Variants in USP7 observed in about 807,000 individuals in gnomAD.
USP7 encodes the protein ubiquitin specific peptidase 7.
Under a neutral mutation model 162.9 loss-of-function variants are expected in USP7, and 9 were observed. That is an observed-to-expected ratio of 0.06 (90% confidence interval 0.03 to 0.10). USP7 has a LOEUF of 0.10. USP7 is among the 10% of genes least tolerant of loss of function. The pLI, the probability that USP7 is intolerant of heterozygous loss-of-function variation, is 1.00. For synonymous variants in USP7, 562 were observed against 475.9 expected, an observed-to-expected ratio of 1.18 and a Z score of -2.35; for missense variants, 715 against 1,373.7, an observed-to-expected ratio of 0.52 and a Z score of 7.58.
intron 1 of USP7, among the ~76,000 whole-genome samples, chr16:8,939,804 A>G (rs1195241568): frequency 6.6e-6 from 1 of 152,238 alleles, no homozygotes; most frequent in African/African-American, 2.4e-5. Context: ...ACTCCCCTAA[A>G]GAAGACTGTT....
At chr16:8,919,195 G>T in intron 5 of USP7, 56 bp from the exon 6 acceptor site, 2 of 1,562,354 alleles carry the variant, frequency 1.3e-6, no homozygotes, top group Admixed American at 1.7e-5. Flanking sequence ...TGCTCCTGCA[G>T]TGTGTGTGAA....
At chr16:8,947,604 T>C (rs1170813390) in intron 1 of USP7, among the ~76,000 whole-genome samples, 1 of 151,634 alleles carries the variant, frequency 6.6e-6, no homozygotes, top group Non-Finnish European at 1.5e-5. Flanking sequence ...CGCTTCAGCC[T>C]CCCAAAATGC....
At chr16:8,945,148 C>G (rs879911511) in intron 1 of USP7, among the ~76,000 whole-genome samples, 1 of 152,062 alleles carries the variant, frequency 6.6e-6, no homozygotes, top group Non-Finnish European at 1.5e-5. Context: ...CTCAGCTACT[C>G]AGGAGGTGGA....
chr16:8,898,243 T>C (rs2061719926), intron 25 of USP7, 117 bp downstream of exon 25: 16 of 879,120 alleles, frequency 1.8e-5, no homozygotes, highest in Non-Finnish European at 2.6e-5. Context: ...GCCCCCATCA[T>C]GTGCTGTTGT....
intron 10 of USP7, among the ~76,000 whole-genome samples, chr16:8,912,313 G>A (rs1596368845): frequency 6.6e-6 from 1 of 151,980 alleles, no homozygotes; most frequent in East Asian, 1.9e-4. Flanking sequence ...TTAGCTGGGT[G>A]TGGTGGTGGG....
chr16:8,944,241 A>AC (rs1409470806), intron 1 of USP7, among the ~76,000 whole-genome samples: 2 of 151,996 alleles, frequency 1.3e-5, no homozygotes, highest in Admixed American at 6.6e-5. Flanking sequence ...GCAAAAAAAA[A>AC]AAAGCACAGC....
intron 10 of USP7, among the ~76,000 whole-genome samples, chr16:8,912,325 A>G (rs2061959854): frequency 6.6e-6 from 1 of 151,832 alleles, no homozygotes; most frequent in South Asian, 2.1e-4. Flanking sequence ...GGTGGTGGGC[A>G]CCTGTAATCC....
At chr16:8,897,716 A>ACAT (rs1596350235) in intron 25 of USP7, among the ~76,000 whole-genome samples, 2 of 46,218 alleles carry the variant, frequency 4.3e-5, no homozygotes, top group African/African-American at 8.1e-5. Flanking sequence ...AAAAAAAAAA[A>ACAT]AAAAAAAAAA....
At chr16:8,912,365 G>A (rs1462558328) in intron 10 of USP7, among the ~76,000 whole-genome samples, 3 of 151,548 alleles carry the variant, frequency 2.0e-5, no homozygotes, top group Non-Finnish European at 4.4e-5. Context: ...AAGGAGAATT[G>A]CTTGAACCCA....
rs1417853771 is a variant in USP7 at position 8,961,728 on chromosome 16, C to A, written c.79+1479G>T. Among the ~76,000 whole-genome samples the A allele has an allele frequency of 2.0e-5, 3 of 152,086 alleles. No individual in the cohort carries two copies. In the East Asian group the frequency reaches 5.8e-4, roughly 29 times the overall value. On this transcript the variant is annotated intron_variant, in intron 1 of 30. Transcript: ENST00000344836. ...TTTGAAAAGGAAACTGAAAAGCAAC[C>A]CTCTTTTATGTTTTAGATGGGCTGC...
rs61731196 is a variant in USP7, at chr16:8,895,654, C to A, written c.2907G>T (p.Thr969=). The A allele has an allele frequency of 6.2e-7, 1 of 1,612,384 alleles. No homozygotes were observed. Among genetic ancestry groups the A allele is most frequent in the Non-Finnish European group, 8.5e-7 (1 of 1,179,434 alleles). ...LECLSPATSR[T]FRIEEIPLDQ... ...CGGGGACAGATACCTCTATTCGAAA[C>A]GTCCGGCTCGTTGCAGGAGATAAAC... The change falls in exon 27 of 31, where the codon ACG becomes ACT. Residue 969 remains threonine, a synonymous_variant. Transcript: ENST00000344836.
intron 1 of USP7, among the ~76,000 whole-genome samples, chr16:8,931,791 C>T (rs946354192): frequency 1.3e-5 from 2 of 152,178 alleles, no homozygotes; most frequent in African/African-American, 4.8e-5. Context: ...TAGGTTTTAC[C>T]TAGGTTCACA....
intron 2 of USP7, among the ~76,000 whole-genome samples, chr16:8,929,089 T>A (rs142838174): frequency 1.3e-5 from 2 of 151,582 alleles, no homozygotes; most frequent in Non-Finnish European, 2.9e-5. Flanking sequence ...TGGAACAGAT[T>A]GCTCTGTGGG....
intron 2 of USP7, among the ~76,000 whole-genome samples, chr16:8,925,971 G>A (rs946026069): frequency 2.7e-5 from 4 of 150,924 alleles, no homozygotes; most frequent in Non-Finnish European, 5.9e-5. Flanking sequence ...TGGCTAACAC[G>A]GTCAAACTCC....
chr16:8,951,828 T>G (rs780237390), intron 1 of USP7, among the ~76,000 whole-genome samples: 1 of 152,376 alleles, frequency 6.6e-6, no homozygotes, highest in Non-Finnish European at 1.5e-5. Flanking sequence ...ACTGAACACC[T>G]GATTCACAAA....
intron 1 of USP7, among the ~76,000 whole-genome samples, chr16:8,956,805 ACACAGC>A (rs1899830283): frequency 6.6e-6 from 1 of 151,664 alleles, no homozygotes; most frequent in Non-Finnish European, 1.5e-5. Flanking sequence ...AATTTGCTTT[ACACAGC>A]CACAGGCACA....
chr16:8,951,614 T>C (rs1350048051), intron 1 of USP7, among the ~76,000 whole-genome samples: 7 of 152,206 alleles, frequency 4.6e-5, no homozygotes, highest in Admixed American at 6.5e-5. Context: ...AGGCTATACT[T>C]AGGTCTAAAA....
At chr16:8,929,306 GT>G (rs901120648) in intron 2 of USP7, 1 of 353,034 alleles carries the variant, frequency 2.8e-6, no homozygotes, top group Non-Finnish European at 5.6e-6. Context: ...CATTGCCCTC[GT>G]CTACGGTGGA....
rs557700682 is a variant in USP7, at chr16:8,948,366, G to T, written c.79+14841C>A. Among the ~76,000 whole-genome samples, 3 of 152,126 alleles carry T rather than the reference G, an allele frequency of 2.0e-5. No individual in the cohort carries two copies. In the East Asian group the frequency reaches 5.8e-4, roughly 29 times the overall value. ...GCTGACTAATTTTTGGCATTTTTTT[G>T]TAGAGACGAGTTTTCACCATGTTGC... On this transcript the variant is annotated intron_variant, in intron 1 of 30. Transcript: ENST00000344836.
Sources: allele counts gnomAD v4.1 joint callset (sites outside exome capture counted in the v4.1 genomes callset), GRCh38; gene constraint gnomAD v4.1.1; transcripts MANE v1.5; gene names NCBI Gene and HGNC (gene_info 2026-07-23, HGNC 2026-07-21).